The following AREL1 variants were observed in gnomAD, a reference collection of about 807,000 sequenced individuals.
AREL1 encodes the protein apoptosis-resistant E3 ubiquitin protein ligase 1.
AREL1 carries 62 observed loss-of-function variants against 99.0 expected under a neutral mutation model. The ratio of observed to expected loss-of-function variants is 0.63; its 90% CI spans 0.51 to 0.77. The LOEUF (loss-of-function observed/expected upper bound fraction) is 0.77. Ranked by LOEUF, AREL1 falls within the 30% of genes least tolerant of loss-of-function variation. The probability of loss-of-function intolerance (pLI) is 0.00; values close to 1 mark genes in which losing one functional copy is unlikely to be tolerated. For missense variants in AREL1, 879 were observed against 1,027.6 expected (o/e 0.86, Z 1.98); for synonymous variants, 380 against 376.5 (o/e 1.01, Z -0.11).
chr14:74,673,999 T>C lies in AREL1; in HGVS notation c.1158+35A>G, dbSNP rs2139882570. The C allele has an allele frequency of 5.2e-6, 8 of 1,550,006 alleles. No homozygotes were observed. In the East Asian group the frequency reaches 9.0e-5, roughly 17 times the overall value. On this transcript the variant is annotated intron_variant, in intron 9 of 19. Coordinates refer to ENST00000356357, the MANE Select transcript of AREL1 (RefSeq NM_001039479.2). Reference sequence around the variant, plus strand: ...GCTGAGATAGTCCAGAGATGAAGCATGCTTGATGTGAACCAGATGTAAGGT... The same window carrying C: ...GCTGAGATAGTCCAGAGATGAAGCACGCTTGATGTGAACCAGATGTAAGGT...
intron 1 of AREL1, among the ~76,000 whole-genome samples, chr14:74,700,577 G>C (rs1392283430): frequency 6.6e-6 from 1 of 152,184 alleles, no homozygotes; most frequent in Non-Finnish European, 1.5e-5. Context: ...AGGAGATCGA[G>C]ACCATTCTGG....
Position 74,663,538 on chromosome 14 carries a change from T to C in AREL1, c.*182A>G, listed in dbSNP as rs1376650029. Reference sequence around the variant, plus strand: ...ATGCCAAAGTGGCCTGTGGTAGATATGGGCAGGGAGCAGGTGAGGTAAAGA... The same window carrying C: ...ATGCCAAAGTGGCCTGTGGTAGATACGGGCAGGGAGCAGGTGAGGTAAAGA... On this transcript the variant is annotated 3_prime_UTR_variant, in exon 20 of 20. Coordinates refer to ENST00000356357, the MANE Select transcript of AREL1 (RefSeq NM_001039479.2). 4 of 648,794 alleles carry C rather than the reference T, an allele frequency of 6.2e-6. No individual in the cohort carries two copies. Among genetic ancestry groups the C allele is most frequent in the South Asian group, 1.7e-5 (1 of 58,148 alleles). 40.2% of individuals were successfully genotyped at this position (648,794 alleles called of 1,614,324 possible).
At position 74,662,880 on chromosome 14, in the gene AREL1, C is replaced by T. The variant is rs8016694; in HGVS notation, c.*840G>A. 40 of 340,132 alleles carry T rather than the reference C, an allele frequency of 1.2e-4. No homozygotes were observed. The highest frequency in any genetic ancestry group is 1.7e-4 in the African/African-American group (8 of 47,404). 21.1% of individuals were successfully genotyped at this position (340,132 alleles called of 1,614,324 possible). ...TAATGGGGAAGTCAGTGGCCCAAGC[C>T]GGCCATACTTCAGTGCCAATAACAA... On this transcript the variant is annotated 3_prime_UTR_variant, in exon 20 of 20. Transcript: ENST00000356357.
intron 1 of AREL1, among the ~76,000 whole-genome samples, chr14:74,698,342 G>A (rs141521914): frequency 5.3e-5 from 8 of 152,136 alleles, no homozygotes; most frequent in African/African-American, 1.2e-4. Context: ...GCAGGAACAC[G>A]TGTCATTTAT....
chr14:74,683,621 T>C (rs1471273912), intron 4 of AREL1, 88 bp from the exon 5 acceptor site: 1 of 1,204,628 alleles, frequency 8.3e-7, no homozygotes, highest in Middle Eastern at 2.0e-4. Context: ...AGGAAGTAGC[T>C]GGCAGAGACC....
chr14:74,707,487 C>T (rs772329088), intron 1 of AREL1, among the ~76,000 whole-genome samples: 3 of 151,406 alleles, frequency 2.0e-5, no homozygotes, highest in Non-Finnish European at 4.4e-5. Context: ...ATGGTGAAAT[C>T]CCATCTCTAC....
At chr14:74,666,100 G>T (rs1347559913) in intron 17 of AREL1, among the ~76,000 whole-genome samples, 4 of 152,180 alleles carry the variant, frequency 2.6e-5, no homozygotes, top group Non-Finnish European at 5.9e-5. Flanking sequence ...CACATCTGAA[G>T]ATATAAAACA....
chr14:74,683,669 G>C, intron 4 of AREL1, 136 bp from the exon 5 acceptor site: 5 of 710,564 alleles, frequency 7.0e-6, no homozygotes, highest in Non-Finnish European at 1.2e-5. Flanking sequence ...GTTCCTCACA[G>C]TCCTGCTCAC....
chr14:74,676,025 A>AGGACAAGCCAAATG, intron 7 of AREL1, 79 bp from the exon 8 acceptor site: 1 of 1,544,962 alleles, frequency 6.5e-7, no homozygotes, highest in Non-Finnish European at 8.7e-7. Context: ...TTTAGTCCAC[A>AGGACAAGCCAAATG]GGACAAGCCA....
At chr14:74,678,424 G>A (rs2139899302) in intron 5 of AREL1, 1 of 280,476 alleles carries the variant, frequency 3.6e-6, no homozygotes, top group African/African-American at 2.3e-5. Flanking sequence ...CTTGAACCCA[G>A]GAGGCCAAGG....
At position 74,661,263 on chromosome 14, in the gene AREL1, A is replaced by C. The variant is rs1239066495; in HGVS notation, c.*2457T>G. On this transcript the variant is annotated 3_prime_UTR_variant, in exon 20 of 20. Transcript: ENST00000356357. ...CAGCCACTCACTCCTTAGTTCTTTTAAACATTTATTTATCTACTGTACAAA... is the reference window on the plus strand; with the variant it reads ...CAGCCACTCACTCCTTAGTTCTTTTCAACATTTATTTATCTACTGTACAAA... 2 of 456,034 alleles carry C rather than the reference A, an allele frequency of 4.4e-6. No individual in the cohort carries two copies. Among genetic ancestry groups the C allele is most frequent in the Non-Finnish European group, 8.8e-6 (2 of 226,596 alleles). The allele number at this position is 456,034 out of a possible 1,614,324, so 28.2% of individuals were successfully genotyped here. A position where few individuals can be genotyped will look rare whatever the true frequency, so the allele number is the denominator to read the frequency against.
At chr14:74,702,577 T>C (rs1315480656) in intron 1 of AREL1, among the ~76,000 whole-genome samples, 3 of 152,202 alleles carry the variant, frequency 2.0e-5, no homozygotes, top group Non-Finnish European at 2.9e-5. Flanking sequence ...TGGGAGTGGC[T>C]GCTATGAAAA....
In AREL1 at chr14:74,665,269, T is replaced by TC. The variant is rs2089189700; in HGVS notation, c.2104-345dup. Among the ~76,000 whole-genome samples, 7 of 151,520 alleles carry TC rather than the reference T, an allele frequency of 4.6e-5. No homozygotes were observed. The South Asian group carries it at 1.5e-3, about 32-fold the overall frequency. On this transcript the variant is annotated intron_variant, in intron 17 of 19. Transcript: ENST00000356357. Reference sequence around the variant, plus strand: ...AAATTGCTCAGGTATTTCTTTCTTTTCTTTTTTTTTTTTTTTTTGAGACGG... The same window carrying TC: ...AAATTGCTCAGGTATTTCTTTCTTTTCCTTTTTTTTTTTTTTTTTGAGACGG...
At chr14:74,686,412 A>T (rs2089749790) in intron 2 of AREL1, among the ~76,000 whole-genome samples, 1 of 152,238 alleles carries the variant, frequency 6.6e-6, no homozygotes, top group South Asian at 2.1e-4. Flanking sequence ...GATCATGTGA[A>T]CCAATAAAAG....
chr14:74,694,166 C>T (rs2089936121), intron 1 of AREL1, among the ~76,000 whole-genome samples: 1 of 149,048 alleles, frequency 6.7e-6, no homozygotes, highest in South Asian at 2.1e-4. Flanking sequence ...CAGAGCCAGA[C>T]CCAGTCTCAA....
At chr14:74,666,813 G>C (rs1418167639) in intron 17 of AREL1, among the ~76,000 whole-genome samples, 1 of 151,564 alleles carries the variant, frequency 6.6e-6, no homozygotes. Context: ...TCCGCCTCCG[G>C]GGTTCAAGTA....
At chr14:74,679,250 C>G (rs1444811416) in intron 5 of AREL1, among the ~76,000 whole-genome samples, 1 of 152,132 alleles carries the variant, frequency 6.6e-6, no homozygotes, top group Non-Finnish European at 1.5e-5. Context: ...TGGCAAAGCC[C>G]CATCTCTACA....
chr14:74,666,298 T>C (rs2089207679), intron 17 of AREL1, among the ~76,000 whole-genome samples: 1 of 152,238 alleles, frequency 6.6e-6, no homozygotes, highest in Admixed American at 6.5e-5. Context: ...TAACTTGCAC[T>C]GCACCATTTT....
At chr14:74,684,727 C>T in intron 3 of AREL1, 47 bp from the exon 4 acceptor site, 2 of 1,555,672 alleles carry the variant, frequency 1.3e-6, no homozygotes, top group Non-Finnish European at 1.8e-6. Flanking sequence ...TTACACATTA[C>T]AGCTTTTCAT....
Sources: allele counts gnomAD v4.1 joint callset (sites outside exome capture counted in the v4.1 genomes callset), GRCh38; gene constraint gnomAD v4.1.1; transcripts MANE v1.5; gene names NCBI Gene and HGNC (gene_info 2026-07-23, HGNC 2026-07-21).